Variants in RNF149 observed in about 807,000 individuals in gnomAD.
RNF149 encodes E3 ubiquitin-protein ligase RNF149.
A neutral mutation model predicts 39.0 loss-of-function variants in RNF149; 21 were observed. The observed-to-expected ratio is 0.54, with a 90% CI of 0.38 to 0.77. The LOEUF is 0.77. Ranked by LOEUF, RNF149 falls within the 30% of genes least tolerant of loss-of-function variation. The pLI is 0.00. For missense variants in RNF149, 493 were observed against 534.9 expected (o/e 0.92, Z 0.77); for synonymous variants, 209 against 213.6 (o/e 0.98, Z 0.19).
downstream of RNF149, among the ~76,000 whole-genome samples, chr2:101,274,791 C>T (rs1025263156): frequency 6.6e-6 from 1 of 152,086 alleles, no homozygotes; most frequent in Non-Finnish European, 1.5e-5. Context: ...TTCTTTCTTT[C>T]TTTTTTCTTT....
In RNF149 at chr2:101,294,106, A is replaced by T. The variant is rs1422220590; in HGVS notation, c.712-24T>A. On this transcript the variant is annotated intron_variant, in intron 2 of 6. Transcript: ENST00000295317. ...CTCTTGGGTAGGAAAATATTAATAC[A>T]GTTATTGAAAAATTTAAATTAAATC... The T allele has an allele frequency of 8.7e-6, 11 of 1,267,328 alleles. No homozygotes were observed. The Admixed American group carries it at 1.9e-4, about 22-fold the overall frequency. The allele number at this position is 1,267,328 out of a possible 1,614,324, so 78.5% of individuals were successfully genotyped here. A position where few individuals can be genotyped will look rare whatever the true frequency, so the allele number is the denominator to read the frequency against.
At position 101,276,951 on chromosome 2, in the gene RNF149, C is replaced by A. The variant is rs563122027; in HGVS notation, c.*287G>T. On this transcript the variant is annotated 3_prime_UTR_variant, in exon 7 of 7. Transcript: ENST00000295317. The stretch of plus-strand genomic sequence containing the variant: ...AGCAGCCAATTATTTAGAAACACCA[C>A]CTGTCCTTTATATTAGAGTACCTGC... 3 of 1,123,174 alleles carry A rather than the reference C, an allele frequency of 2.7e-6. No individual in the cohort carries two copies. The highest frequency in any genetic ancestry group is 1.6e-5 in the African/African-American group (1 of 60,686). 69.6% of individuals were successfully genotyped at this position (1,123,174 alleles called of 1,614,324 possible).
rs953342725 is a variant in RNF149 at position 101,282,132 on chromosome 2, G to A, written c.961-75C>T. On this transcript the variant is annotated intron_variant, in intron 5 of 6. Coordinates refer to ENST00000295317, the MANE Select transcript of RNF149 (RefSeq NM_173647.4). ...TCAAAGCTTATGTATCATCTGGCTC[G>A]TAATTCACACACAATATTACGTACT... 12 of 1,570,012 alleles carry A rather than the reference G, an allele frequency of 7.6e-6. No homozygotes were observed. In the East Asian group the frequency reaches 1.1e-4, roughly 15 times the overall value.
At chr2:101,294,866 A>T (rs1573247158) in intron 2 of RNF149, 65 bp downstream of exon 2, 1 of 1,254,596 alleles carries the variant, frequency 8.0e-7, no homozygotes. Context: ...ACTTCTAGGA[A>T]TATATATGCG....
intron 4 of RNF149, 118 bp downstream of exon 4, chr2:101,288,855 G>A: frequency 1.7e-6 from 1 of 603,880 alleles, no homozygotes; most frequent in South Asian, 2.1e-5. Flanking sequence ...TTTCTAAAAA[G>A]AAGAGATGAT....
intron 2 of RNF149, 162 bp from the exon 3 acceptor site, chr2:101,294,244 C>T (rs144281444): frequency 2.2e-5 from 11 of 497,390 alleles, no homozygotes; most frequent in African/African-American, 4.0e-5. Flanking sequence ...GGCAAAACTG[C>T]GATTACTTTT....
Position 101,277,178 on chromosome 2 carries a change from A to G in RNF149, c.*60T>C. On this transcript the variant is annotated 3_prime_UTR_variant, in exon 7 of 7. Coordinates refer to ENST00000295317, the MANE Select transcript of RNF149 (RefSeq NM_173647.4). ...CAAATTATGTGCTAAAGTAAAAAAA[A>G]TAAAATGTCCTTTAGTTCAAGCCAA... is the stretch of plus-strand genomic sequence containing the variant. The G allele has an allele frequency of 6.3e-7, 1 of 1,594,362 alleles. No homozygotes were observed. The highest frequency in any genetic ancestry group is 8.6e-7 in the Non-Finnish European group (1 of 1,168,486).
At chr2:101,297,582 C>T (rs1436467895) in intron 1 of RNF149, among the ~76,000 whole-genome samples, 1 of 152,024 alleles carries the variant, frequency 6.6e-6, no homozygotes, top group East Asian at 1.9e-4. Flanking sequence ...TAGCCTTGAA[C>T]TCCTGACCTC....
intron 5 of RNF149, among the ~76,000 whole-genome samples, chr2:101,282,845 G>A (rs1171840819): frequency 1.3e-5 from 2 of 151,650 alleles, no homozygotes; most frequent in African/African-American, 4.8e-5. Flanking sequence ...ACTGGGCTGT[G>A]CCCCCCACAG....
In RNF149 at chr2:101,277,193, G is replaced by C. The variant is rs1682376681; in HGVS notation, c.*45C>G. 2.5e-6 allele frequency: 4 copies of C among 1,609,946 alleles called. No homozygotes were observed. The highest frequency in any genetic ancestry group is 1.3e-5 in the African/African-American group (1 of 74,808). ...AGTAAAAAAAATAAAATGTCCTTTA[G>C]TTCAAGCCAAACTTCTGTTGGTGCC... On this transcript the variant is annotated 3_prime_UTR_variant, in exon 7 of 7. Coordinates refer to ENST00000295317, the MANE Select transcript of RNF149 (RefSeq NM_173647.4).
At chr2:101,272,746 C>T (rs1161850479), downstream of RNF149, 5 of 352,716 alleles carry the variant, frequency 1.4e-5, no homozygotes, top group Non-Finnish European at 2.8e-5. Flanking sequence ...TAAACTTCAA[C>T]ATGCTCAAAA....
At chr2:101,277,312 A>G in intron 6 of RNF149, 31 bp from the exon 7 acceptor site, 1 of 1,599,422 alleles carries the variant, frequency 6.3e-7, no homozygotes, top group Non-Finnish European at 8.5e-7. Flanking sequence ...CTACTCCATC[A>G]GAAGAGGGCA....
chr2:101,287,764 T>C (rs1682850160), intron 4 of RNF149, among the ~76,000 whole-genome samples: 1 of 152,236 alleles, frequency 6.6e-6, no homozygotes, highest in Non-Finnish European at 1.5e-5. Flanking sequence ...TTGGTTACCC[T>C]GATACTCACG....
chr2:101,282,176 C>A, intron 5 of RNF149, 119 bp from the exon 6 acceptor site: 1 of 1,406,368 alleles, frequency 7.1e-7, no homozygotes, highest in Non-Finnish European at 9.4e-7. Context: ...ATGAATCTGG[C>A]AAAAAGCACA....
chr2:101,276,910 G>C lies in RNF149; in HGVS notation c.*328C>G, dbSNP rs2104382980. 1 of 1,043,062 alleles carries C rather than the reference G, an allele frequency of 9.6e-7. No homozygotes were observed. Among genetic ancestry groups the C allele is most frequent in the Non-Finnish European group, 1.2e-6 (1 of 862,930 alleles). The allele number at this position is 1,043,062 out of a possible 1,614,324, so 64.6% of individuals were successfully genotyped here. A position where few individuals can be genotyped will look rare whatever the true frequency, so the allele number is the denominator to read the frequency against. The stretch of plus-strand genomic sequence containing the variant: ...AAACCTTGAAAAATAGAATTAACTG[G>C]TTTTTACAGAACCATAGCAGCCAAT... On this transcript the variant is annotated 3_prime_UTR_variant, in exon 7 of 7. Transcript: ENST00000295317.
chr2:101,283,817 T>A (rs985120883), intron 5 of RNF149, among the ~76,000 whole-genome samples: 12 of 152,294 alleles, frequency 7.9e-5, no homozygotes, highest in African/African-American at 2.6e-4. Context: ...ACAAAACTCA[T>A]GAGGATTAAA....
intron 1 of RNF149, among the ~76,000 whole-genome samples, chr2:101,301,953 T>A (rs1025526100): frequency 1.3e-5 from 2 of 152,206 alleles, no homozygotes; most frequent in Non-Finnish European, 2.9e-5. Flanking sequence ...CAGCAAGAAA[T>A]CATTTTAAAG....
chr2:101,287,040 G>A (rs548807951), intron 4 of RNF149, among the ~76,000 whole-genome samples: 16 of 152,334 alleles, frequency 1.1e-4, no homozygotes, highest in Middle Eastern at 3.4e-3. Context: ...CAGTACTCGC[G>A]GCCGGGCATG....
chr2:101,284,770 A>C (rs1228595793), intron 5 of RNF149, among the ~76,000 whole-genome samples: 2 of 152,178 alleles, frequency 1.3e-5, no homozygotes, highest in Non-Finnish European at 2.9e-5. Context: ...AGCTACATAA[A>C]GTGATCATCA....
Sources: allele counts gnomAD v4.1 joint callset (sites outside exome capture counted in the v4.1 genomes callset), GRCh38; gene constraint gnomAD v4.1.1; transcripts MANE v1.5; gene names NCBI Gene and HGNC (gene_info 2026-07-23, HGNC 2026-07-21).